CDYL2: variants seen among roughly 807,000 people sequenced by gnomAD.
CDYL2 encodes the protein chromodomain Y like 2, also known as chromodomain Y-like protein 2.
Under a neutral mutation model 49.4 loss-of-function variants are expected in CDYL2, and 23 were observed. The ratio of observed to expected loss-of-function variants is 0.47; its 90% CI spans 0.34 to 0.66. The LOEUF is 0.66. Ranked by LOEUF, CDYL2 falls within the 30% of genes least tolerant of loss-of-function variation. The pLI, the probability that CDYL2 is intolerant of heterozygous loss-of-function variation, is 0.01. For missense variants in CDYL2, 678 were observed against 656.4 expected (o/e 1.03, Z -0.36); for synonymous variants, 360 against 268.8 (o/e 1.34, Z -3.32).
At chr16:80,655,984 G>A (rs1478858404) in intron 2 of CDYL2, among the ~76,000 whole-genome samples, 1 of 152,200 alleles carries the variant, frequency 6.6e-6, no homozygotes, top group Non-Finnish European at 1.5e-5. Flanking sequence ...CAGAGGACAT[G>A]GAAATAATCC....
intron 1 of CDYL2, among the ~76,000 whole-genome samples, chr16:80,769,904 C>T (rs1478675118): frequency 2.6e-5 from 4 of 151,970 alleles, no homozygotes; most frequent in Non-Finnish European, 4.4e-5. Flanking sequence ...ACCACACCCA[C>T]GAAATGGAAA....
intron 2 of CDYL2, among the ~76,000 whole-genome samples, chr16:80,646,249 A>C (rs1908340598): frequency 6.6e-6 from 1 of 152,144 alleles, no homozygotes; most frequent in African/African-American, 2.4e-5. Flanking sequence ...GAGCCAAACT[A>C]TATCACTCAA....
intron 4 of CDYL2, among the ~76,000 whole-genome samples, chr16:80,617,488 T>G (rs1404771459): frequency 6.6e-6 from 1 of 152,222 alleles, no homozygotes; most frequent in Non-Finnish European, 1.5e-5. Flanking sequence ...GACAGTGCGC[T>G]TCTCTCAGGA....
At chr16:80,646,358 A>C (rs1397960025) in intron 2 of CDYL2, among the ~76,000 whole-genome samples, 2 of 152,210 alleles carry the variant, frequency 1.3e-5, no homozygotes, top group African/African-American at 2.4e-5. Context: ...CAGGAATGAA[A>C]GAAAGAAGGA....
At chr16:80,610,559 G>A (rs1906549200) in intron 5 of CDYL2, among the ~76,000 whole-genome samples, 2 of 150,212 alleles carry the variant, frequency 1.3e-5, no homozygotes, top group Admixed American at 6.7e-5. Context: ...CAGAGGTAGG[G>A]TGTCCCTGGT....
intron 2 of CDYL2, among the ~76,000 whole-genome samples, chr16:80,678,984 T>C (rs1909865909): frequency 6.6e-6 from 1 of 150,566 alleles, no homozygotes. Flanking sequence ...AAACTGGAAA[T>C]CATCATTCTC....
chr16:80,748,431 G>T (rs1906010272), intron 1 of CDYL2, among the ~76,000 whole-genome samples: 1 of 145,838 alleles, frequency 6.9e-6, no homozygotes, highest in East Asian at 2.0e-4. Flanking sequence ...GGAGGCTGAG[G>T]CAGGAGAATG....
intron 2 of CDYL2, among the ~76,000 whole-genome samples, chr16:80,658,635 T>C (rs1908909421): frequency 6.6e-6 from 1 of 152,200 alleles, no homozygotes; most frequent in Non-Finnish European, 1.5e-5. Context: ...GAGGTTAAAA[T>C]GGATCATAGG....
intron 1 of CDYL2, among the ~76,000 whole-genome samples, chr16:80,713,049 G>A (rs920166532): frequency 1.4e-4 from 21 of 152,190 alleles, no homozygotes; most frequent in African/African-American, 5.1e-4. Context: ...GACAAGAGGT[G>A]TTCCAAGGTC....
At chr16:80,799,028 T>C (rs970250686) in intron 1 of CDYL2, among the ~76,000 whole-genome samples, 6 of 151,788 alleles carry the variant, frequency 4.0e-5, no homozygotes, top group Admixed American at 3.3e-4. Flanking sequence ...TATAGATATA[T>C]ATAGATATAT....
chr16:80,655,323 G>C (rs1283337611), intron 2 of CDYL2, among the ~76,000 whole-genome samples: 1 of 152,154 alleles, frequency 6.6e-6, no homozygotes, highest in Non-Finnish European at 1.5e-5. Context: ...CTAGTTACTT[G>C]CCACCTCCTA....
At chr16:80,716,030 T>A (rs1340218240) in intron 1 of CDYL2, among the ~76,000 whole-genome samples, 1 of 152,238 alleles carries the variant, frequency 6.6e-6, no homozygotes, top group African/African-American at 2.4e-5. Context: ...CAGTTCCTCA[T>A]GGGGATGATA....
intron 3 of CDYL2, among the ~76,000 whole-genome samples, chr16:80,626,151 A>T (rs2142382515): frequency 6.6e-6 from 1 of 150,654 alleles, no homozygotes; most frequent in African/African-American, 2.4e-5. Flanking sequence ...AAAAAAAATT[A>T]GCCAGGCATG....
At chr16:80,654,691 T>A (rs1291058442) in intron 2 of CDYL2, among the ~76,000 whole-genome samples, 1 of 152,172 alleles carries the variant, frequency 6.6e-6, no homozygotes, top group Non-Finnish European at 1.5e-5. Context: ...CAAACCCTGC[T>A]ACATGCAAGG....
chr16:80,658,212 C>T (rs146371349), intron 2 of CDYL2, among the ~76,000 whole-genome samples: 1 of 151,272 alleles, frequency 6.6e-6, no homozygotes, highest in South Asian at 2.1e-4. Context: ...AAGAGGTGAC[C>T]CTTCTTTGAG....
intron 1 of CDYL2, among the ~76,000 whole-genome samples, chr16:80,786,070 A>G (rs141143828): frequency 1.4e-4 from 21 of 152,350 alleles, no homozygotes; most frequent in African/African-American, 5.0e-4. Flanking sequence ...CTTCATGTCT[A>G]AAACACCAAA....
chr16:80,645,220 A>G (rs1362606019), intron 2 of CDYL2, among the ~76,000 whole-genome samples: 3 of 152,242 alleles, frequency 2.0e-5, no homozygotes, highest in Middle Eastern at 3.2e-3. Flanking sequence ...GAATGGGAGA[A>G]CATTTTTGCA....
chr16:80,745,872 G>C (rs1010503389), intron 1 of CDYL2, among the ~76,000 whole-genome samples: 5 of 152,146 alleles, frequency 3.3e-5, no homozygotes, highest in Non-Finnish European at 7.3e-5. Context: ...AGACAGGGAA[G>C]GGCAGGGGGT....
rs1393134388 is a variant in CDYL2, at chr16:80,598,568, G to A, written c.*5820C>T. 1 of 152,130 alleles carries A rather than the reference G, an allele frequency of 6.6e-6. No homozygotes were observed. The highest frequency in any genetic ancestry group is 2.4e-5 in the African/African-American group (1 of 41,408). The allele number at this position is 152,130 out of a possible 1,614,324, so 9.4% of individuals were successfully genotyped here. A position where few individuals can be genotyped will look rare whatever the true frequency, so the allele number is the denominator to read the frequency against. On this transcript the variant is annotated 3_prime_UTR_variant, in exon 7 of 7. Transcript: ENST00000570137. ...GTGCAGGATCCTACTGTTCAGTATA[G>A]ACATGTCTGAAAAATTCTTACCCTG...
Sources: allele counts gnomAD v4.1 joint callset (sites outside exome capture counted in the v4.1 genomes callset), GRCh38; gene constraint gnomAD v4.1.1; transcripts MANE v1.5; gene names NCBI Gene and HGNC (gene_info 2026-07-23, HGNC 2026-07-21).